CYFIP2: variants seen among roughly 807,000 people sequenced by gnomAD.
CYFIP2 encodes the protein cytoplasmic FMR1-interacting protein 2.
A neutral mutation model predicts 158.7 loss-of-function variants in CYFIP2; 29 were observed. The observed-to-expected ratio is 0.18, with a 90% CI of 0.14 to 0.25. The LOEUF (loss-of-function observed/expected upper bound fraction) is 0.25. Ranked by LOEUF, CYFIP2 falls within the 10% of genes least tolerant of loss-of-function variation. The pLI, the probability that CYFIP2 is intolerant of heterozygous loss-of-function variation, is 1.00. For synonymous variants in CYFIP2, 585 were observed against 617.6 expected (o/e 0.95, Z 0.78); for missense variants, 852 against 1,639.5 (o/e 0.52, Z 8.29).
chr5:157,310,956 A>C, intron 10 of CYFIP2: 1 of 455,582 alleles, frequency 2.2e-6, no homozygotes, highest in Non-Finnish European at 4.4e-6. Context: ...TCTCTTGGGG[A>C]TGGAGAGTGA....
intron 26 of CYFIP2, among the ~76,000 whole-genome samples, chr5:157,378,765 C>G (rs1160425823): frequency 2.0e-5 from 3 of 152,150 alleles, no homozygotes; most frequent in African/African-American, 7.2e-5. Context: ...TGACAGAAAG[C>G]AAATAGCTCA....
At chr5:157,388,911 A>G (rs146189202) in intron 28 of CYFIP2, among the ~76,000 whole-genome samples, 16 of 152,346 alleles carry the variant, frequency 1.1e-4, no homozygotes, top group South Asian at 2.1e-4. Context: ...AGTCTTTTCA[A>G]TGGCTATCCA....
At chr5:157,378,606 G>A (rs952049932) in intron 26 of CYFIP2, among the ~76,000 whole-genome samples, 24 of 152,182 alleles carry the variant, frequency 1.6e-4, no homozygotes, top group Admixed American at 3.9e-4. Context: ...CTCCTGGATC[G>A]AAATGTCAGC....
intron 5 of CYFIP2, 105 bp downstream of exon 5, chr5:157,296,879 A>T: frequency 1.1e-6 from 1 of 898,172 alleles, no homozygotes; most frequent in South Asian, 1.6e-5. Context: ...TCACTAAGCA[A>T]ATATTTTTTG....
intron 26 of CYFIP2, chr5:157,365,338 G>T (rs1472997808): frequency 6.6e-6 from 1 of 152,046 alleles, no homozygotes; most frequent in Non-Finnish European, 1.5e-5. Context: ...GTCTTTTTCT[G>T]CCTTTTTTTA....
intron 8 of CYFIP2, among the ~76,000 whole-genome samples, chr5:157,305,236 A>G (rs1430952553): frequency 6.6e-6 from 1 of 152,216 alleles, no homozygotes; most frequent in African/African-American, 2.4e-5. Flanking sequence ...TCTTTTTCAT[A>G]CAATAACTTC....
chr5:157,361,301 C>G lies in CYFIP2; in HGVS notation c.2909-167C>G, dbSNP rs1041718784. 16 of 762,008 alleles carry G rather than the reference C, an allele frequency of 2.1e-5. No homozygotes were observed. In the African/African-American group the frequency reaches 2.6e-4, roughly 12 times the overall value. The allele number at this position is 762,008 out of a possible 1,614,324, so 47.2% of individuals were successfully genotyped here. On this transcript the variant is annotated intron_variant, in intron 25 of 30. Transcript: ENST00000620254. This position sits in a 1 kb window ranked among gnomAD's most constrained non-coding sequence, Gnocchi z 4.4. The stretch of plus-strand genomic sequence containing the variant: ...CCAGCTACTCGAACTTTGTCCAGTA[C>G]TGAGCCCTGAAAGAAATCTCACTCT...
In CYFIP2 at chr5:157,311,381, T is replaced by A. The variant is rs1759707951; in HGVS notation, c.993-283T>A. On this transcript the variant is annotated intron_variant, in intron 10 of 30. Transcript: ENST00000620254. The surrounding 1 kb of genome is among the most constrained non-coding windows in gnomAD (Gnocchi z 4.7). ...CCTAGAGAGGCTGTGTTCCCGCCCC[T>A]CTCATATTACTGGTAAGTATTATGG... is the stretch of plus-strand genomic sequence containing the variant. 2.2e-6 allele frequency: 1 copy of A among 459,228 alleles called. No individual in the cohort carries two copies. The highest frequency in any genetic ancestry group is 2.0e-5 in the African/African-American group (1 of 50,696). 28.4% of individuals were successfully genotyped at this position (459,228 alleles called of 1,614,324 possible). A position where few individuals can be genotyped will look rare whatever the true frequency, so the allele number is the denominator to read the frequency against.
rs745519217 is a variant in CYFIP2 at position 157,389,280 on chromosome 5, G to A, written c.3299G>A (p.Arg1100Gln). 2.4e-5 allele frequency: 38 copies of A among 1,614,036 alleles called. No individual in the cohort carries two copies. Among genetic ancestry groups the A allele is most frequent in the South Asian group, 7.7e-5 (7 of 91,088 alleles). ...TTCGAGGTCATCCTGACCCGCATTC[G>A]GAGCTACCTGCAGGACCCCATCTGG... ...SMFEVILTRI[R>Q]SYLQDPIWRG... The change falls in exon 29 of 31, where the codon CGG becomes CAG. Residue 1100 changes from arginine (R) to glutamine (Q), a missense_variant. Transcript: ENST00000620254.
At position 157,382,658 on chromosome 5, in the gene CYFIP2, C is replaced by T; in HGVS notation, c.3108C>T (p.Ile1036=). 1 of 1,613,864 alleles carries T rather than the reference C, an allele frequency of 6.2e-7. No individual in the cohort carries two copies. The highest frequency in any genetic ancestry group is 1.7e-5 in the Admixed American group (1 of 60,014). ...PFQNILPRVY[I]KEGERLEVRM... Reference sequence around the variant, plus strand: ...AAAACATCTTGCCTAGAGTCTACATCAAAGGTAAGAAACCACTACAGCAGC... The same window carrying T: ...AAAACATCTTGCCTAGAGTCTACATTAAAGGTAAGAAACCACTACAGCAGC... The change falls in exon 27 of 31, where the codon ATC becomes ATT. Residue 1036 remains isoleucine, a synonymous_variant. Transcript: ENST00000620254.
intron 11 of CYFIP2, among the ~76,000 whole-genome samples, chr5:157,312,715 C>T (rs964257368): frequency 5.9e-5 from 9 of 152,210 alleles, no homozygotes; most frequent in Non-Finnish European, 1.5e-5. Context: ...TGCAAGGCCT[C>T]GTGGCCATTA....
chr5:157,333,153 T>G (rs370173894), intron 20 of CYFIP2, among the ~76,000 whole-genome samples, 174 bp from the exon 21 acceptor site: 1 of 152,124 alleles, frequency 6.6e-6, no homozygotes, highest in East Asian at 1.9e-4. Flanking sequence ...CATCATAAAC[T>G]TCCCGAGGCT....
intron 23 of CYFIP2, among the ~76,000 whole-genome samples, chr5:157,344,577 AAG>A (rs1435536937): frequency 6.6e-6 from 1 of 152,194 alleles, no homozygotes; most frequent in Admixed American, 6.5e-5. Flanking sequence ...CCGCTTTGAT[AAG>A]AGAGAGCCAT....
chr5:157,276,154 A>G (rs1756525879), intron 1 of CYFIP2, among the ~76,000 whole-genome samples: 1 of 152,198 alleles, frequency 6.6e-6, no homozygotes, highest in African/African-American at 2.4e-5. Flanking sequence ...TTCTTGCATA[A>G]TTACCTTGGC....
At chr5:157,304,442 A>T in intron 8 of CYFIP2, 76 bp downstream of exon 8, 1 of 1,498,124 alleles carries the variant, frequency 6.7e-7, no homozygotes, top group Non-Finnish European at 9.0e-7. Flanking sequence ...AATCCGTTTT[A>T]AAAAACAATG....
At chr5:157,329,583 A>G (rs1296169802) in intron 19 of CYFIP2, among the ~76,000 whole-genome samples, 1 of 152,374 alleles carries the variant, frequency 6.6e-6, no homozygotes, top group East Asian at 1.9e-4. Flanking sequence ...TTTAGCAGAC[A>G]TATTTTAAAA....
intron 26 of CYFIP2, among the ~76,000 whole-genome samples, chr5:157,369,889 T>TTG (rs1764821900): frequency 2.0e-5 from 3 of 149,294 alleles, no homozygotes; most frequent in Non-Finnish European, 4.4e-5. Context: ...GTTTTTTTTT[T>TTG]TTTTTTTTTA....
chr5:157,342,908 C>G (rs143433635), intron 23 of CYFIP2: 2 of 1,614,130 alleles, frequency 1.2e-6, no homozygotes, highest in Non-Finnish European at 1.7e-6. Context: ...ACCACCCCCC[C>G]TCTGTAAGGC....
chr5:157,300,556 A>G (rs1005266484), intron 5 of CYFIP2, among the ~76,000 whole-genome samples, 159 bp from the exon 6 acceptor site: 1 of 151,908 alleles, frequency 6.6e-6, no homozygotes. Flanking sequence ...AAAAGAAAAA[A>G]AGAAATTAGC....
Sources: allele counts gnomAD v4.1 joint callset (sites outside exome capture counted in the v4.1 genomes callset), GRCh38; gene constraint gnomAD v4.1.1; non-coding constraint Gnocchi (gnomAD v3.1); transcripts MANE v1.5; gene names NCBI Gene and HGNC (gene_info 2026-07-23, HGNC 2026-07-21).